SPATA24: variants seen among roughly 807,000 people sequenced by gnomAD.
The protein encoded by SPATA24 is spermatogenesis associated 24.
Under a neutral mutation model 28.9 loss-of-function variants are expected in SPATA24, and 21 were observed. The observed-to-expected ratio is 0.73, with a 90% CI of 0.52 to 1.05. The LOEUF (loss-of-function observed/expected upper bound fraction) is 1.05. Ranked by LOEUF, SPATA24 falls within the 50% of genes least tolerant of loss-of-function variation. The probability of loss-of-function intolerance (pLI) is 0.00; values close to 1 mark genes in which losing one functional copy is unlikely to be tolerated. For synonymous variants in SPATA24, 76 were observed against 89.9 expected, an observed-to-expected ratio of 0.85 and a Z score of 0.88; for missense variants, 215 against 242.9, an observed-to-expected ratio of 0.88 and a Z score of 0.76.
chr5:139,401,893 C>G (rs760239558), intron 3 of SPATA24, 22 bp downstream of exon 3: 2 of 1,551,114 alleles, frequency 1.3e-6, no homozygotes, highest in South Asian at 2.4e-5. Context: ...AAACCCCACA[C>G]CCCGTACTGA....
chr5:139,393,220 A>G, downstream of SPATA24: 2 of 1,549,262 alleles, frequency 1.3e-6, no homozygotes, highest in Middle Eastern at 1.7e-4. Flanking sequence ...AGGCCGCGGA[A>G]TGGCCATGCG....
chr5:139,402,111 C>T, intron 2 of SPATA24, 66 bp from the exon 3 acceptor site: 1 of 1,506,288 alleles, frequency 6.6e-7, no homozygotes, highest in East Asian at 2.5e-5. Context: ...CTCCCTTAAC[C>T]AGCCCCCCTT....
intron 4 of SPATA24, among the ~76,000 whole-genome samples, chr5:139,400,681 T>C (rs918920788): frequency 6.6e-6 from 1 of 152,106 alleles, no homozygotes; most frequent in African/African-American, 2.4e-5. Context: ...CGGGCATGTG[T>C]AGCTGACTCA....
chr5:139,401,139 C>G (rs1315740248), intron 4 of SPATA24, among the ~76,000 whole-genome samples: 1 of 152,052 alleles, frequency 6.6e-6, no homozygotes, highest in East Asian at 1.9e-4. Context: ...GGCAACAGAG[C>G]AAGACTCCAT....
At chr5:139,395,340 C>G, downstream of SPATA24, 1 of 390,264 alleles carries the variant, frequency 2.6e-6, no homozygotes, top group African/African-American at 2.1e-5. Context: ...GGCTGACAGG[C>G]AGGTGAGGGA....
intron 4 of SPATA24, chr5:139,401,432 G>A: frequency 3.3e-6 from 2 of 606,354 alleles, no homozygotes. Context: ...CTTGCCCTGT[G>A]TTCCTCTTGT....
chr5:139,400,806 T>C (rs62385284), intron 4 of SPATA24, among the ~76,000 whole-genome samples: 75,430 of 152,098 alleles, frequency 0.5, 22,294 homozygotes, highest in Non-Finnish European at 0.66. Context: ...GCCTACACGA[T>C]AGTTTTAAAA....
intron 4 of SPATA24, among the ~76,000 whole-genome samples, chr5:139,397,612 T>A (rs968820447): frequency 2.0e-5 from 3 of 151,920 alleles, no homozygotes; most frequent in African/African-American, 7.3e-5. Context: ...TGGAGTGCAG[T>A]GGCATGATCT....
intron 2 of SPATA24, 92 bp downstream of exon 2, chr5:139,402,535 AC>A: frequency 8.7e-7 from 1 of 1,154,326 alleles, no homozygotes; most frequent in South Asian, 1.3e-5. Context: ...GAGCCACTGC[AC>A]CCATCAGAGG....
chr5:139,401,673 C>G (rs1399815324), intron 4 of SPATA24, 82 bp downstream of exon 4: 1 of 1,418,534 alleles, frequency 7.0e-7, no homozygotes, highest in Non-Finnish European at 9.8e-7. Context: ...AGAGTGAAAC[C>G]CTGCCTTTGA....
downstream of SPATA24, chr5:139,395,844 C>A (rs1238790583): frequency 6.6e-6 from 1 of 152,360 alleles, no homozygotes; most frequent in African/African-American, 2.4e-5. Flanking sequence ...GATGTGGGGT[C>A]CTACAGGAAG....
downstream of SPATA24, chr5:139,394,414 G>A (rs936739507): frequency 2.2e-6 from 3 of 1,388,490 alleles, no homozygotes; most frequent in Non-Finnish European, 2.8e-6. Context: ...CGGCGCGCCG[G>A]CCGCCCTTGG....
Position 139,401,814 on chromosome 5 carries a change from A to T in SPATA24, c.326T>A (p.Val109Asp). ...KLAFEKALSS[V>D]KSKVLQESSK... ...GGACTCCTGAAGGACTTTGCTCTTG[A>T]CACTGGAGAGCCTGGGTGGGGAAGA... Residue 109 changes from valine (V) to aspartate (D), a missense_variant, in exon 4 of 6, where the codon GTC becomes GAC. Coordinates refer to ENST00000450845, the MANE Select transcript of SPATA24 (RefSeq NM_194296.2). The T allele has an allele frequency of 6.4e-7, 1 of 1,551,042 alleles. No individual in the cohort carries two copies. Among genetic ancestry groups the T allele is most frequent in the Non-Finnish European group, 8.7e-7 (1 of 1,146,510 alleles).
downstream of SPATA24, chr5:139,392,926 C>T (rs745551955): frequency 1.7e-5 from 26 of 1,528,144 alleles, no homozygotes; most frequent in South Asian, 1.3e-4. The surrounding 1 kb of genome is among the most constrained non-coding windows in gnomAD (Gnocchi z 5.8). Context: ...GTTCTCTGCC[C>T]TCCGCCGCAG....
chr5:139,399,493 G>A (rs1758780275), intron 4 of SPATA24, among the ~76,000 whole-genome samples: 1 of 152,206 alleles, frequency 6.6e-6, no homozygotes, highest in African/African-American at 2.4e-5. Context: ...ACCGGGTCAT[G>A]GGACGAGGAC....
downstream of SPATA24, chr5:139,394,532 C>T (rs1196785478): frequency 6.1e-6 from 9 of 1,482,184 alleles, no homozygotes; most frequent in Non-Finnish European, 6.2e-6. Context: ...TCGAACTGCG[C>T]TGGGGCGGCA....
chr5:139,401,499 G>A (rs1758819796), intron 4 of SPATA24: 3 of 634,124 alleles, frequency 4.7e-6, no homozygotes, highest in East Asian at 5.4e-5. Context: ...TAAGAAGGTT[G>A]TATGTTTCAG....
downstream of SPATA24, chr5:139,396,617 G>T (rs934223350): frequency 4.1e-6 from 6 of 1,447,672 alleles, no homozygotes; most frequent in Admixed American, 7.7e-5. Flanking sequence ...CCCAAAGGAA[G>T]CGGTGGTGCC....
chr5:139,396,572 T>C (rs927983947), downstream of SPATA24: 73 of 1,355,086 alleles, frequency 5.4e-5, no homozygotes, highest in Non-Finnish European at 6.3e-5. Context: ...TATTACTGGG[T>C]AACCAGGGCT....
Sources: allele counts gnomAD v4.1 joint callset (sites outside exome capture counted in the v4.1 genomes callset), GRCh38; gene constraint gnomAD v4.1.1; non-coding constraint Gnocchi (gnomAD v3.1); transcripts MANE v1.5; gene names NCBI Gene and HGNC (gene_info 2026-07-23, HGNC 2026-07-21).